The following C16orf87 variants were observed in gnomAD, a reference collection of about 807,000 sequenced individuals.
C16orf87 encodes the protein UPF0547 protein C16orf87.
C16orf87 carries 13 observed loss-of-function variants against 21.0 expected under a neutral mutation model. The ratio of observed to expected loss-of-function variants is 0.62; its 90% CI spans 0.40 to 0.98. C16orf87 has a LOEUF of 0.98. C16orf87 is among the 50% of genes least tolerant of loss of function. C16orf87 has a pLI of 0.00. For synonymous variants in C16orf87, 49 were observed against 60.2 expected, an observed-to-expected ratio of 0.81 and a Z score of 0.86; for missense variants, 113 against 180.4, an observed-to-expected ratio of 0.63 and a Z score of 2.14.
chr16:46,799,203 T>C lies in C16orf87; in HGVS notation c.*3749A>G, dbSNP rs558148540. ...TATGTTAGGATAGTTATTAGTATAG[T>C]TGTAATCTTTGAGTAGTAAGTACTA... On this transcript the variant is annotated 3_prime_UTR_variant, in exon 4 of 4. Transcript: ENST00000285697. 5.9e-5 allele frequency: 9 copies of C among 152,326 alleles called. No individual in the cohort carries two copies. The highest frequency in any genetic ancestry group is 1.7e-4 in the African/African-American group (7 of 41,578). The allele number at this position is 152,326 out of a possible 1,614,324, so 9.4% of individuals were successfully genotyped here. A position where few individuals can be genotyped will look rare whatever the true frequency, so the allele number is the denominator to read the frequency against.
intron 2 of C16orf87, among the ~76,000 whole-genome samples, chr16:46,816,474 C>T (rs1239605376): frequency 6.6e-6 from 1 of 152,042 alleles, no homozygotes; most frequent in Non-Finnish European, 1.5e-5. Context: ...AGCGTAGGTG[C>T]TAATAAGCTA....
chr16:46,805,905 C>T (rs1316090762), intron 3 of C16orf87, among the ~76,000 whole-genome samples: 28 of 152,182 alleles, frequency 1.8e-4, no homozygotes, highest in Admixed American at 1.7e-3. Flanking sequence ...TCAGCATTTA[C>T]TATGTCCAAT....
At chr16:46,824,080 G>C (rs762849621) in intron 2 of C16orf87, among the ~76,000 whole-genome samples, 3 of 152,140 alleles carry the variant, frequency 2.0e-5, no homozygotes, top group Non-Finnish European at 2.9e-5. Flanking sequence ...TATTACTAAA[G>C]CTATTTTTTT....
At position 46,802,724 on chromosome 16, in the gene C16orf87, C is replaced by T; in HGVS notation, c.*228G>A. On this transcript the variant is annotated 3_prime_UTR_variant, in exon 4 of 4. Coordinates refer to ENST00000285697, the MANE Select transcript of C16orf87 (RefSeq NM_001001436.4). ...GTTGGCAAATACACTTACTTATATC[C>T]CAAACACAAAACACTGACAATACTC... 2 of 351,794 alleles carry T rather than the reference C, an allele frequency of 5.7e-6. No individual in the cohort carries two copies. Among genetic ancestry groups the T allele is most frequent in the Non-Finnish European group, 1.0e-5 (2 of 195,180 alleles). 21.8% of individuals were successfully genotyped at this position (351,794 alleles called of 1,614,324 possible).
At position 46,798,799 on chromosome 16, in the gene C16orf87, G is replaced by T. The variant is rs1967692975; in HGVS notation, c.*4153C>A. On this transcript the variant is annotated 3_prime_UTR_variant, in exon 4 of 4. Coordinates refer to ENST00000285697, the MANE Select transcript of C16orf87 (RefSeq NM_001001436.4). Reference sequence around the variant, plus strand: ...TGTTTCACCATATGAACATTCTAAAGGGGAGAAAAAAGGTCCTATCAATTA... The same window carrying T: ...TGTTTCACCATATGAACATTCTAAATGGGAGAAAAAAGGTCCTATCAATTA... 6.6e-6 allele frequency: 1 copy of T among 151,580 alleles called. No individual in the cohort carries two copies. The highest frequency in any genetic ancestry group is 2.4e-5 in the African/African-American group (1 of 41,314). 9.4% of individuals were successfully genotyped at this position (151,580 alleles called of 1,614,324 possible). A position where few individuals can be genotyped will look rare whatever the true frequency, so the allele number is the denominator to read the frequency against.
chr16:46,813,541 T>G (rs927005192), intron 2 of C16orf87, among the ~76,000 whole-genome samples: 1 of 152,102 alleles, frequency 6.6e-6, no homozygotes. Flanking sequence ...ATAAGCTTTT[T>G]TCCATATTTA....
intron 2 of C16orf87, among the ~76,000 whole-genome samples, chr16:46,816,726 T>C (rs559681821): frequency 2.6e-4 from 40 of 152,298 alleles, no homozygotes; most frequent in African/African-American, 8.7e-4. Flanking sequence ...ATGCCTAAAA[T>C]AGGTATACAT....
chr16:46,799,735 A>G lies in C16orf87; in HGVS notation c.*3217T>C, dbSNP rs1967717009. The G allele has an allele frequency of 1.3e-5, 2 of 152,194 alleles. No individual in the cohort carries two copies. The highest frequency in any genetic ancestry group is 6.5e-5 in the Admixed American group (1 of 15,272). 9.4% of individuals were successfully genotyped at this position (152,194 alleles called of 1,614,324 possible). On this transcript the variant is annotated 3_prime_UTR_variant, in exon 4 of 4. Coordinates refer to ENST00000285697, the MANE Select transcript of C16orf87 (RefSeq NM_001001436.4). Reference sequence around the variant, plus strand: ...CAGTGGCAAGATCATCACTCACTGCAGCCTCGAACTCCTGGGCTCAAGTGA... The same window carrying G: ...CAGTGGCAAGATCATCACTCACTGCGGCCTCGAACTCCTGGGCTCAAGTGA...
intron 1 of C16orf87, among the ~76,000 whole-genome samples, chr16:46,829,421 T>C (rs1321970273): frequency 1.3e-5 from 2 of 152,200 alleles, no homozygotes; most frequent in African/African-American, 2.4e-5. Flanking sequence ...TTTGCTCTTT[T>C]ATATAAAAAT....
chr16:46,828,393 G>A (rs1959707498), intron 1 of C16orf87, among the ~76,000 whole-genome samples: 1 of 151,814 alleles, frequency 6.6e-6, no homozygotes, highest in African/African-American at 2.4e-5. Context: ...TTTTAAAAAT[G>A]AAGGCAAAAA....
intron 3 of C16orf87, among the ~76,000 whole-genome samples, chr16:46,804,212 CA>C (rs1567306252): frequency 6.6e-6 from 1 of 152,254 alleles, no homozygotes; most frequent in East Asian, 1.9e-4. Flanking sequence ...GAAATCGCTC[CA>C]AGTCTTCCAA....
At position 46,801,852 on chromosome 16, in the gene C16orf87, G is replaced by A. The variant is rs559910806; in HGVS notation, c.*1100C>T. The A allele has an allele frequency of 6.6e-6, 1 of 152,252 alleles. No individual in the cohort carries two copies. The highest frequency in any genetic ancestry group is 2.1e-4 in the South Asian group (1 of 4,824). The allele number at this position is 152,252 out of a possible 1,614,324, so 9.4% of individuals were successfully genotyped here. A position where few individuals can be genotyped will look rare whatever the true frequency, so the allele number is the denominator to read the frequency against. On this transcript the variant is annotated 3_prime_UTR_variant, in exon 4 of 4. Transcript: ENST00000285697. ...GATTTCTAAACAGATTGGGGGAAGA[G>A]CGACTGAAAATAAGGGGAGTGATTA...
chr16:46,826,880 C>A (rs1959641459), intron 1 of C16orf87, among the ~76,000 whole-genome samples: 1 of 152,164 alleles, frequency 6.6e-6, no homozygotes, highest in Non-Finnish European at 1.5e-5. Context: ...TGTTCTTACT[C>A]AACAGCTCCT....
chr16:46,827,078 T>A (rs1268188814), intron 1 of C16orf87, among the ~76,000 whole-genome samples: 1 of 152,230 alleles, frequency 6.6e-6, no homozygotes, highest in Non-Finnish European at 1.5e-5. Flanking sequence ...AATTAACAGG[T>A]TGATTTTCAT....
At chr16:46,823,000 G>C (rs908430894) in intron 2 of C16orf87, among the ~76,000 whole-genome samples, 12 of 152,044 alleles carry the variant, frequency 7.9e-5, no homozygotes, top group Non-Finnish European at 1.5e-4. Flanking sequence ...GGTCTTTTTT[G>C]TTCCTAAAAT....
Position 46,809,778 on chromosome 16 carries a change from C to T in C16orf87, c.171G>A (p.Lys57=), listed in dbSNP as rs2143076916. ...SEKSPPSTEN[K]HEAKRRRTER... is the part of the protein sequence containing the mutation. Reference sequence around the variant, plus strand: ...CTGTTCGCCTCCTCTTGGCCTCATGCTTGTTTTCTGTATGGATGAATAAAA... The same window carrying T: ...CTGTTCGCCTCCTCTTGGCCTCATGTTTGTTTTCTGTATGGATGAATAAAA... Residue 57 remains lysine, a synonymous_variant, in exon 3 of 4, where the codon AAG becomes AAA. Coordinates refer to ENST00000285697, the MANE Select transcript of C16orf87 (RefSeq NM_001001436.4). The T allele has an allele frequency of 6.2e-7, 1 of 1,601,076 alleles. No homozygotes were observed. The highest frequency in any genetic ancestry group is 8.5e-7 in the Non-Finnish European group (1 of 1,170,802).
At chr16:46,819,951 C>T (rs1313129558) in intron 2 of C16orf87, among the ~76,000 whole-genome samples, 1 of 151,712 alleles carries the variant, frequency 6.6e-6, no homozygotes, top group African/African-American at 2.4e-5. Context: ...CCATTGCACT[C>T]CAGCCTGGGA....
intron 3 of C16orf87, among the ~76,000 whole-genome samples, chr16:46,806,661 T>C (rs1176972957): frequency 6.6e-6 from 1 of 152,220 alleles, no homozygotes; most frequent in Non-Finnish European, 1.5e-5. Flanking sequence ...TACCCTTATA[T>C]ATAAAACGAA....
At chr16:46,824,293 T>A in intron 2 of C16orf87, 93 bp downstream of exon 2, 1 of 663,646 alleles carries the variant, frequency 1.5e-6, no homozygotes, top group East Asian at 2.9e-5. Context: ...TTTAAACTTT[T>A]AACTTCAACA....
Sources: allele counts gnomAD v4.1 joint callset (sites outside exome capture counted in the v4.1 genomes callset), GRCh38; gene constraint gnomAD v4.1.1; transcripts MANE v1.5; gene names NCBI Gene and HGNC (gene_info 2026-07-23, HGNC 2026-07-21).